Variants in EVC observed in about 807,000 individuals in gnomAD.
EVC encodes the protein evC complex member EVC.
In EVC, 116 loss-of-function variants were observed where a neutral mutation model predicts 118.9. The ratio of observed to expected loss-of-function variants is 0.98; its 90% CI spans 0.84 to 1.14. The LOEUF is 1.14. Among genes scored for constraint, EVC ranks in the 50% most tolerant of loss-of-function variants. The pLI, the probability that EVC is intolerant of heterozygous loss-of-function variation, is 0.00. For missense variants in EVC, 1,401 were observed against 1,246.4 expected, an observed-to-expected ratio of 1.12 and a Z score of -1.87; for synonymous variants, 619 against 534.7, an observed-to-expected ratio of 1.16 and a Z score of -2.18.
At chr4:5,778,805 A>C (rs1461920220) in intron 11 of EVC, among the ~76,000 whole-genome samples, 2 of 152,048 alleles carry the variant, frequency 1.3e-5, no homozygotes, top group Non-Finnish European at 1.5e-5. Context: ...GTTCACTCTG[A>C]TGGTAGTTTC....
chr4:5,820,480 T>C, the EVC span, among the ~76,000 whole-genome samples: 9 of 152,140 alleles, frequency 5.9e-5, no homozygotes, highest in Non-Finnish European at 1.0e-4. Context: ...GGCTGATCCA[T>C]ACAATACAAG....
chr4:5,825,066 TGAAAGTGCTTA>T, the EVC span: 1 of 985,324 alleles, frequency 1.0e-6, no homozygotes, highest in African/African-American at 1.7e-5. The surrounding 1 kb of genome is among the most constrained non-coding windows in gnomAD (Gnocchi z 4.4). Flanking sequence ...TCATGGGTTA[TGAAAGTGCTTA>T]GTACACTGCA....
intron 11 of EVC, 21 bp from the exon 12 acceptor site, chr4:5,783,531 A>G: frequency 6.2e-7 from 1 of 1,613,574 alleles, no homozygotes; most frequent in Non-Finnish European, 8.5e-7. Flanking sequence ...CTGTAACCCC[A>G]TCTGTGGTTC....
chr4:5,755,147 C>A lies in EVC; in HGVS notation c.1465-1117C>A, dbSNP rs980956465. Among the ~76,000 whole-genome samples, 1 of 152,172 alleles carries A rather than the reference C, an allele frequency of 6.6e-6. No individual in the cohort carries two copies. Among genetic ancestry groups the A allele is most frequent in the Non-Finnish European group, 1.5e-5 (1 of 68,036 alleles). ...CCACAAAGGGGTAGGGTAGGTTTTTCTATCTTTGAGACCCATTTGAAATAA... is the reference window on the plus strand; with the variant it reads ...CCACAAAGGGGTAGGGTAGGTTTTTATATCTTTGAGACCCATTTGAAATAA... On this transcript the variant is annotated intron_variant, in intron 10 of 20. Transcript: ENST00000264956. This position sits in a 1 kb window ranked among gnomAD's most constrained non-coding sequence, Gnocchi z 4.1.
At chr4:5,824,640 A>G in the EVC span, 2 of 947,178 alleles carry the variant, frequency 2.1e-6, no homozygotes, top group Non-Finnish European at 2.5e-6. Context: ...ACATTTTCAA[A>G]TGGCTATTGA....
Position 5,798,447 on chromosome 4 carries a change from G to C in EVC, c.2098-139G>C. The C allele has an allele frequency of 8.3e-6, 7 of 848,268 alleles. No homozygotes were observed. In the South Asian group the frequency reaches 1.0e-4, roughly 12 times the overall value. The allele number at this position is 848,268 out of a possible 1,614,324, so 52.5% of individuals were successfully genotyped here. A position where few individuals can be genotyped will look rare whatever the true frequency, so the allele number is the denominator to read the frequency against. On this transcript the variant is annotated intron_variant, in intron 14 of 20. Transcript: ENST00000264956. The surrounding 1 kb of genome is among the most constrained non-coding windows in gnomAD (Gnocchi z 4.1). ...ATCCATTGATTTTTGCAAGCCCAGA[G>C]GCCACCTCTTTCTGCCCTTTCTCCA...
chr4:5,804,717 T>A lies in EVC; in HGVS notation c.2450-13T>A, dbSNP rs745489663. ...AAACAGACCCCTTGATTGTCCTGTG[T>A]TAAATGGTCTAGGTGAGAGGATGGA... On this transcript the variant is annotated splice_polypyrimidine_tract_variant and intron_variant, in intron 16 of 20. Coordinates refer to ENST00000264956, the MANE Select transcript of EVC (RefSeq NM_153717.3). 6.2e-7 allele frequency: 1 copy of A among 1,612,880 alleles called. No individual in the cohort carries two copies. The highest frequency in any genetic ancestry group is 8.5e-7 in the Non-Finnish European group (1 of 1,178,966).
intron 5 of EVC, among the ~76,000 whole-genome samples, chr4:5,733,681 T>C (rs1727215353): frequency 6.6e-6 from 1 of 152,126 alleles, no homozygotes; most frequent in African/African-American, 2.4e-5. Context: ...GAAAGATGAG[T>C]GCCTCCTCCC....
At chr4:5,735,855 C>T (rs562602072) in intron 5 of EVC, among the ~76,000 whole-genome samples, 73 of 152,310 alleles carry the variant, frequency 4.8e-4, no homozygotes, top group African/African-American at 1.4e-3. Flanking sequence ...AGAGCTGCTT[C>T]CCAGCAGGGT....
At chr4:5,783,431 T>TCCTGTCTGTGGATCTCCTTGTGTC in intron 11 of EVC, 121 bp from the exon 12 acceptor site, 1 of 936,062 alleles carries the variant, frequency 1.1e-6, no homozygotes, top group Non-Finnish European at 1.7e-6. Context: ...ACTTGAGAGT[T>TCCTGTCTGTGGATCTCCTTGTGTC]CCTGTCTGTG....
At position 5,743,541 on chromosome 4, in the gene EVC, C is replaced by G. The variant is rs1471865899; in HGVS notation, c.802-1663C>G. Among the ~76,000 whole-genome samples, 3 of 152,182 alleles carry G rather than the reference C, an allele frequency of 2.0e-5. No homozygotes were observed. The highest frequency in any genetic ancestry group is 7.2e-5 in the African/African-American group (3 of 41,444). ...CCACCTTTATCATCTTTCCTGCTACCTCTACCTTCACCTTCATTAGAGTCC... is the reference window on the plus strand; with the variant it reads ...CCACCTTTATCATCTTTCCTGCTACGTCTACCTTCACCTTCATTAGAGTCC... On this transcript the variant is annotated intron_variant, in intron 6 of 20. Transcript: ENST00000264956. The surrounding 1 kb of genome is among the most constrained non-coding windows in gnomAD (Gnocchi z 4.7).
chr4:5,809,524 G>C lies in EVC; in HGVS notation c.2695G>C (p.Glu899Gln). ...AQLETQLQEA[E>Q]QNFISELAAL... ...CTCTCTGCTTGCATTTCAGGAAGCT[G>C]AACAGAACTTCATCTCCGAGCTGGC... Residue 899 changes from glutamate (E) to glutamine (Q), a missense_variant, in exon 19 of 21, where the codon GAA becomes CAA. Coordinates refer to ENST00000264956, the MANE Select transcript of EVC (RefSeq NM_153717.3). The C allele has an allele frequency of 6.2e-7, 1 of 1,614,188 alleles. No homozygotes were observed. The highest frequency in any genetic ancestry group is 8.5e-7 in the Non-Finnish European group (1 of 1,180,032).
intron 20 of EVC, 75 bp downstream of exon 20, chr4:5,810,525 A>G: frequency 1.8e-6 from 2 of 1,133,678 alleles, no homozygotes; most frequent in Non-Finnish European, 2.6e-6. Context: ...GCCAAAAGTC[A>G]GGGCAGGAAA....
At chr4:5,821,925 A>G in the EVC span, 2 of 1,386,784 alleles carry the variant, frequency 1.4e-6, no homozygotes, top group South Asian at 1.3e-5. The surrounding 1 kb of genome is among the most constrained non-coding windows in gnomAD (Gnocchi z 4.4). Flanking sequence ...GAGGCCATGT[A>G]CTCTGCCATG....
At chr4:5,748,457 C>A in intron 8 of EVC, 151 bp downstream of exon 8, 1 of 759,760 alleles carries the variant, frequency 1.3e-6, no homozygotes, top group Non-Finnish European at 2.1e-6. Context: ...ACAGTAAATT[C>A]ATTCATCCAT....
chr4:5,768,459 A>T (rs1321102983), intron 11 of EVC, among the ~76,000 whole-genome samples: 1 of 152,084 alleles, frequency 6.6e-6, no homozygotes, highest in East Asian at 1.9e-4. Context: ...CACCTCCTCT[A>T]TGTTAAAGTA....
chr4:5,750,727 T>TTAAA (rs1730219596), intron 8 of EVC, among the ~76,000 whole-genome samples: 1 of 152,146 alleles, frequency 6.6e-6, no homozygotes, highest in Non-Finnish European at 1.5e-5. Context: ...ATTCAGTACT[T>TTAAA]GTTAGTCATT....
At chr4:5,791,590 A>T (rs1298971119) in intron 12 of EVC, among the ~76,000 whole-genome samples, 1 of 152,152 alleles carries the variant, frequency 6.6e-6, no homozygotes, top group Admixed American at 6.5e-5. Flanking sequence ...TATATTTACA[A>T]ATTAAATATA....
chr4:5,793,368 T>C (rs1488180533), intron 12 of EVC: 1 of 520,554 alleles, frequency 1.9e-6, no homozygotes, highest in Non-Finnish European at 3.5e-6. Context: ...AGAAAATAAA[T>C]TTTAGATACT....
Sources: gnomAD v4.1 joint callset for allele counts (sites outside exome capture counted in the v4.1 genomes callset) on GRCh38, gnomAD v4.1.1 for gene constraint, Gnocchi (gnomAD v3.1) non-coding constraint, MANE v1.5 for transcripts, NCBI Gene and HGNC (gene_info 2026-07-23, HGNC 2026-07-21) for gene names.